MKI67: variants seen among roughly 807,000 people sequenced by gnomAD.
The protein encoded by MKI67 is proliferation marker protein Ki-67.
A neutral mutation model predicts 233.5 loss-of-function variants in MKI67; 152 were observed. The ratio of observed to expected loss-of-function variants is 0.65; its 90% CI spans 0.57 to 0.74. MKI67 has a LOEUF of 0.74. Among genes scored for constraint, MKI67 ranks in the 30% least tolerant of loss-of-function variants. MKI67 has a pLI of 0.00. For synonymous variants in MKI67, 1,465 were observed against 1,418.5 expected, an observed-to-expected ratio of 1.03 and a Z score of -0.74; for missense variants, 3,940 against 3,885.2, an observed-to-expected ratio of 1.01 and a Z score of -0.37.
intron 4 of MKI67, among the ~76,000 whole-genome samples, chr10:128,120,549 A>G (rs1021137910): frequency 2.0e-5 from 3 of 152,146 alleles, no homozygotes; most frequent in Non-Finnish European, 2.9e-5. Flanking sequence ...CTTCCTACAT[A>G]GAAGTCTGTA....
At chr10:128,116,568 G>A (rs755936340) in intron 5 of MKI67, 32 bp from the exon 6 acceptor site, 1 of 1,586,618 alleles carries the variant, frequency 6.3e-7, no homozygotes, top group Admixed American at 1.7e-5. Context: ...ACAGTTATTT[G>A]CAGGTCTTTC....
At chr10:128,111,052 G>A (rs1344421812) in intron 11 of MKI67, among the ~76,000 whole-genome samples, 2 of 152,172 alleles carry the variant, frequency 1.3e-5, no homozygotes, top group East Asian at 3.9e-4. Flanking sequence ...CATTCTGTTT[G>A]GAATGATAGG....
rs750609573 is a variant in MKI67 at position 128,103,170 on chromosome 10, C to T, written c.8670G>A (p.Lys2890=). 8 of 1,614,018 alleles carry T rather than the reference C, an allele frequency of 5.0e-6. No individual in the cohort carries two copies. The highest frequency in any genetic ancestry group is 6.8e-6 in the Non-Finnish European group (8 of 1,180,010). ...KGTKAFKQPA[K]RKLDAEDVIG... ...TTACATCTTCTGCGTCCAGCTTCCG[C>T]TTTGCAGGTTGCTTAAATGCTTTCG... The change falls in exon 13 of 15, where the codon AAG becomes AAA. Residue 2890 remains lysine, a synonymous_variant. Transcript: ENST00000368654.
At position 128,114,925 on chromosome 10, in the gene MKI67, TA is replaced by T. The variant is rs759698833; in HGVS notation, c.1480+2del. The T allele has an allele frequency of 6.5e-7, 1 of 1,543,146 alleles. No homozygotes were observed. The highest frequency in any genetic ancestry group is 8.7e-7 in the Non-Finnish European group (1 of 1,146,076). On this transcript the variant is annotated splice_donor_variant, in intron 7 of 14. Coordinates refer to ENST00000368654, the MANE Select transcript of MKI67 (RefSeq NM_002417.5). LOFTEE classifies it high-confidence loss of function. ...AAATAAATTTACAATTAAATAAACT[TA>T]CTAATGGAATCACCAAAGTTGTTGA... is the stretch of plus-strand genomic sequence containing the variant.
chr10:128,115,868 A>G lies in MKI67; in HGVS notation c.540T>C (p.Thr180=). The G allele has an allele frequency of 6.2e-7, 1 of 1,608,846 alleles. No homozygotes were observed. The highest frequency in any genetic ancestry group is 8.5e-7 in the Non-Finnish European group (1 of 1,180,008). The change falls in exon 7 of 15, where the codon ACT becomes ACC. Residue 180 remains threonine (T), a synonymous_variant. Coordinates refer to ENST00000368654, the MANE Select transcript of MKI67 (RefSeq NM_002417.5). The part of the protein sequence containing the change: ...DSKDSVAQGT[T]NVHSSEHAGR... The stretch of plus-strand genomic sequence containing the variant: ...CAGCATGTTCTGAGGAATGAACATT[A>G]GTTGTTCCCTGAGCAACACTGTCTT...
rs140948574 is a variant in MKI67, at chr10:128,116,494, G to A, written c.397C>T (p.Pro133Ser). The change falls in exon 6 of 15, where the codon CCT (proline) becomes TCT (serine). Residue 133 changes from proline (P) to serine (S), a missense_variant. Pro to Ser is a moderately conservative substitution (Grantham distance 74). Coordinates refer to ENST00000368654, the MANE Select transcript of MKI67 (RefSeq NM_002417.5). ...RVSRSSFSSD[P>S]DEKAQDSKAY... The stretch of plus-strand genomic sequence containing the variant: ...ACAAAACCCAACCACTACTCACCAG[G>A]GTCAGAAGAGAAGCTAGATCTTGAG... The A allele has an allele frequency of 1.3e-5, 21 of 1,613,674 alleles. No homozygotes were observed. The highest frequency in any genetic ancestry group is 1.6e-5 in the Non-Finnish European group (19 of 1,179,742).
rs761741111 is a variant in MKI67, at chr10:128,105,621, T to C, written c.6219A>G (p.Leu2073=). 3 of 1,613,948 alleles carry C rather than the reference T, an allele frequency of 1.9e-6. No individual in the cohort carries two copies. Among genetic ancestry groups the C allele is most frequent in the Non-Finnish European group, 2.5e-6 (3 of 1,179,976 alleles). Reference sequence around the variant, plus strand: ...GCTCTTTGAAGCCGGCCAGGTCTTCTAGTGATTGGGCCTCTTCCTTAGGTG... The same window carrying C: ...GCTCTTTGAAGCCGGCCAGGTCTTCCAGTGATTGGGCCTCTTCCTTAGGTG... ...PRTPKEEAQS[L]EDLAGFKELF... is the part of the protein sequence containing the mutation. Residue 2073 remains leucine (L), a synonymous_variant, in exon 13 of 15, where the codon CTA becomes CTG. Coordinates refer to ENST00000368654, the MANE Select transcript of MKI67 (RefSeq NM_002417.5).
At position 128,116,553 on chromosome 10, in the gene MKI67, T is replaced by C. The variant is rs751293363; in HGVS notation, c.355-17A>G. 2.5e-6 allele frequency: 4 copies of C among 1,608,398 alleles called. No homozygotes were observed. The East Asian group carries it at 6.7e-5, about 27-fold the overall frequency. On this transcript the variant is annotated splice_polypyrimidine_tract_variant and intron_variant, in intron 5 of 14. Transcript: ENST00000368654. ...TGCTGGCTCCTGTAAGTTGGGAAAA[T>C]AAGAACAGTTATTTGCAGGTCTTTC...
Position 128,103,514 on chromosome 10 carries a change from G to A in MKI67, c.8326C>T (p.Pro2776Ser). ...CTGCTGCCAGTTACACTTGCTGCTG[G>A]AGCCGGTGTCTGTTTTGCAGATTCC... ...LKESAKQTPA[P>S]AASVTGSRRR... Residue 2776 changes from proline (P) to serine (S), a missense_variant, in exon 13 of 15, where the codon CCA becomes TCA. Pro to Ser is a moderately conservative substitution (Grantham distance 74). Transcript: ENST00000368654. 1.2e-6 allele frequency: 2 copies of A among 1,613,384 alleles called. No individual in the cohort carries two copies. The highest frequency in any genetic ancestry group is 1.7e-6 in the Non-Finnish European group (2 of 1,179,832).
At chr10:128,120,226 C>T (rs1426834620) in intron 4 of MKI67, among the ~76,000 whole-genome samples, 2 of 152,302 alleles carry the variant, frequency 1.3e-5, no homozygotes, top group South Asian at 2.1e-4. Flanking sequence ...CGCAGTGGCT[C>T]ATGCCTGTAA....
intron 4 of MKI67, among the ~76,000 whole-genome samples, chr10:128,119,786 G>A (rs1182668299): frequency 6.6e-6 from 1 of 152,096 alleles, no homozygotes; most frequent in Non-Finnish European, 1.5e-5. Context: ...TACACTACAG[G>A]GTAACTACAA....
Position 128,125,971 on chromosome 10 carries a change from C to CCA in MKI67, c.-90+126_-90+127dup, listed in dbSNP as rs1378023056. 7.2e-5 allele frequency: 30 copies of CCA among 413,848 alleles called. No individual in the cohort carries two copies. The highest frequency in any genetic ancestry group is 1.3e-4 in the Non-Finnish European group (28 of 222,560). The allele number at this position is 413,848 out of a possible 1,614,324, so 25.6% of individuals were successfully genotyped here. A position where few individuals can be genotyped will look rare whatever the true frequency, so the allele number is the denominator to read the frequency against. On this transcript the variant is annotated intron_variant, in intron 1 of 14. Coordinates refer to ENST00000368654, the MANE Select transcript of MKI67 (RefSeq NM_002417.5). This position sits in a 1 kb window ranked among gnomAD's most constrained non-coding sequence, Gnocchi z 5.3. Reference sequence around the variant, plus strand: ...GGGAGCTTCCACCGAGACGCCCTCGCCAGAGCCCAGGAGGAGTCGGGCCCA... The same window carrying CCA: ...GGGAGCTTCCACCGAGACGCCCTCGCCACAGAGCCCAGGAGGAGTCGGGCCCA...
intron 8 of MKI67, among the ~76,000 whole-genome samples, chr10:128,112,866 C>G (rs1353046572): frequency 1.3e-5 from 2 of 152,114 alleles, no homozygotes; most frequent in Non-Finnish European, 2.9e-5. Context: ...AAAGAAAGAC[C>G]GCCCAGGCCC....
intron 5 of MKI67, among the ~76,000 whole-genome samples, chr10:128,117,496 G>A (rs1406233921): frequency 6.6e-6 from 1 of 152,218 alleles, no homozygotes; most frequent in African/African-American, 2.4e-5. Context: ...ATTTCCGGAA[G>A]GGTGGAAGAA....
At chr10:128,123,992 G>T (rs1488054243) in intron 2 of MKI67, among the ~76,000 whole-genome samples, 2 of 152,148 alleles carry the variant, frequency 1.3e-5, no homozygotes, top group Non-Finnish European at 2.9e-5. Flanking sequence ...CTATGCAATG[G>T]CCTGTCTGTT....
Position 128,105,576 on chromosome 10 carries a change from G to T in MKI67, c.6264C>A (p.His2088Gln). The T allele has an allele frequency of 6.2e-7, 1 of 1,614,056 alleles. No individual in the cohort carries two copies. Among genetic ancestry groups the T allele is most frequent in the Non-Finnish European group, 8.5e-7 (1 of 1,180,004 alleles). ...GFKELFQTPD[H>Q]TEESTTDDKT... Reference sequence around the variant, plus strand: ...TGTCATCAGTTGTTGATTCCTCAGTGTGGTCTGGTGTCTGGAAGAGCTCTT... The same window carrying T: ...TGTCATCAGTTGTTGATTCCTCAGTTTGGTCTGGTGTCTGGAAGAGCTCTT... Residue 2088 changes from histidine to glutamine, a missense_variant, in exon 13 of 15, where the codon CAC becomes CAA. By Grantham distance (24) the His-to-Gln change is conservative. Coordinates refer to ENST00000368654, the MANE Select transcript of MKI67 (RefSeq NM_002417.5).
chr10:128,100,864 T>C (rs1202560083), intron 14 of MKI67, among the ~76,000 whole-genome samples: 1 of 152,254 alleles, frequency 6.6e-6, no homozygotes, highest in Non-Finnish European at 1.5e-5. Flanking sequence ...TGGAAATTTT[T>C]CTGTTTCAAT....
rs1444111851 is a variant in MKI67, at chr10:128,107,134, G to A, written c.4706C>T (p.Thr1569Ile). 1 of 1,613,882 alleles carries A rather than the reference G, an allele frequency of 6.2e-7. No individual in the cohort carries two copies. Among genetic ancestry groups the A allele is most frequent in the South Asian group, 1.1e-5 (1 of 91,072 alleles). Residue 1569 changes from threonine (T) to isoleucine (I), a missense_variant, in exon 13 of 15, where the codon ACT (threonine) becomes ATT (isoleucine). Physicochemically the swap from Thr to Ile is moderately conservative, Grantham distance 89. Coordinates refer to ENST00000368654, the MANE Select transcript of MKI67 (RefSeq NM_002417.5). ...AGTTTGTAGCCGTCTCTTGCTGCCA[G>A]TTAAGTTCTCTGTCAGGTCCAGTTT... Reference protein sequence around the residue: ...VQKLDLTENLTGSKRRLQTPK... With the variant: ...VQKLDLTENLIGSKRRLQTPK...
chr10:128,110,385 C>A lies in MKI67; in HGVS notation c.2409G>T (p.Glu803Asp). 1.3e-6 allele frequency: 2 copies of A among 1,563,896 alleles called. No homozygotes were observed. The highest frequency in any genetic ancestry group is 8.7e-7 in the Non-Finnish European group (1 of 1,142,960). Residue 803 changes from glutamate (E) to aspartate (D), a missense_variant, in exon 12 of 15, where the codon GAG becomes GAT. Transcript: ENST00000368654. ...GGAAACAAGGAAACCAACCAAAACTCTCTGAGGTGGGGAGCAGAGGTTCTT... is the reference window on the plus strand; with the variant it reads ...GGAAACAAGGAAACCAACCAAAACTATCTGAGGTGGGGAGCAGAGGTTCTT... ...SGEEPLLPTS[E>D]SFGGNVFFSA... is the part of the protein sequence containing the mutation.
Sources: allele counts gnomAD v4.1 joint callset (sites outside exome capture counted in the v4.1 genomes callset), GRCh38; gene constraint gnomAD v4.1.1; non-coding constraint Gnocchi (gnomAD v3.1); transcripts MANE v1.5; gene names NCBI Gene and HGNC (gene_info 2026-07-23, HGNC 2026-07-21).